Variants in TBCD observed in about 807,000 individuals in gnomAD.
TBCD encodes tubulin-specific chaperone D.
In TBCD, 105 loss-of-function variants were observed where a neutral mutation model predicts 169.3. That is an observed-to-expected ratio of 0.62 (90% confidence interval 0.53 to 0.73). The LOEUF is 0.73. TBCD is among the 30% of genes least tolerant of loss of function. The pLI is 0.00. For missense variants in TBCD, 1,444 were observed against 1,600.1 expected, an observed-to-expected ratio of 0.90 and a Z score of 1.66; for synonymous variants, 700 against 643.9, an observed-to-expected ratio of 1.09 and a Z score of -1.32.
chr17:82,814,958 G>T (rs764761602), intron 13 of TBCD, 24 bp downstream of exon 13: 2 of 1,607,362 alleles, frequency 1.2e-6, no homozygotes, highest in African/African-American at 1.3e-5. Context: ...GCACGGTCAG[G>T]GGGGATGTCT....
At chr17:82,772,347 C>G in intron 5 of TBCD, 105 bp from the exon 6 acceptor site, 1 of 1,188,452 alleles carries the variant, frequency 8.4e-7, no homozygotes, top group Admixed American at 1.7e-5. Context: ...GTTTGTGAAC[C>G]TGGGCCCTCG....
chr17:82,817,204 C>T (rs2677930), intron 13 of TBCD, among the ~76,000 whole-genome samples: 72,098 of 152,018 alleles, frequency 0.47, 17,799 homozygotes, highest in South Asian at 0.64. Flanking sequence ...CATCACAGCT[C>T]GTTGCCACCT....
intron 2 of TBCD, among the ~76,000 whole-genome samples, chr17:82,758,659 T>G (rs112276462): frequency 7.2e-6 from 1 of 139,148 alleles, no homozygotes; most frequent in Non-Finnish European, 1.5e-5. Context: ...TTTTTTTTTT[T>G]TCTTTTTTTT....
intron 11 of TBCD, among the ~76,000 whole-genome samples, chr17:82,808,642 G>A (rs1598628016): frequency 1.4e-5 from 2 of 139,000 alleles, no homozygotes; most frequent in Non-Finnish European, 3.1e-5. Context: ...GAACCCTGCT[G>A]TGGAGGGGAC....
chr17:82,909,439 C>G, intron 22 of TBCD, 132 bp downstream of exon 22: 1 of 595,202 alleles, frequency 1.7e-6, no homozygotes, highest in Non-Finnish European at 3.1e-6. Flanking sequence ...TGGGTGTCAC[C>G]CGGCCCGCTG....
chr17:82,809,942 A>G (rs750458242), intron 12 of TBCD, among the ~76,000 whole-genome samples, 160 bp downstream of exon 12: 1 of 152,128 alleles, frequency 6.6e-6, no homozygotes, highest in Non-Finnish European at 1.5e-5. Context: ...AACTCTTGTT[A>G]TTTCTGGTAT....
At chr17:82,908,255 T>G (rs1373974213) in intron 21 of TBCD, 2 of 454,968 alleles carry the variant, frequency 4.4e-6, no homozygotes, top group East Asian at 6.9e-5. Flanking sequence ...CCTGGTGGAG[T>G]TGGGGGCACA....
chr17:82,801,676 C>T (rs1459310963), intron 9 of TBCD, among the ~76,000 whole-genome samples: 6 of 111,114 alleles, frequency 5.4e-5, no homozygotes, highest in East Asian at 5.7e-4. Context: ...TCGGAGTCAG[C>T]GTGGCAGGAG....
In TBCD at chr17:82,916,314, G is replaced by A. The variant is rs1293773916; in HGVS notation, c.2039-4242G>A. Reference sequence around the variant, plus strand: ...GCTGGAGTCACAGTGGCGCGATCTCGGCTCACTGCAGCCTCCATCTCCCAG... The same window carrying A: ...GCTGGAGTCACAGTGGCGCGATCTCAGCTCACTGCAGCCTCCATCTCCCAG... On this transcript the variant is annotated intron_variant, in intron 23 of 38. Coordinates refer to ENST00000355528, the MANE Select transcript of TBCD (RefSeq NM_005993.5). 3.9e-5 allele frequency among the ~76,000 whole-genome samples: 6 copies of A among 151,934 alleles called. No individual in the cohort carries two copies. In the East Asian group the frequency reaches 5.8e-4, roughly 15 times the overall value.
At chr17:82,870,159 T>A in intron 13 of TBCD, 65 bp from the exon 14 acceptor site, 1 of 1,603,652 alleles carries the variant, frequency 6.2e-7, no homozygotes, top group Non-Finnish European at 8.5e-7. Flanking sequence ...GCCCCACTTC[T>A]CTGAAGCCTC....
At chr17:82,863,654 C>T (rs2056952829) in intron 13 of TBCD, among the ~76,000 whole-genome samples, 1 of 152,146 alleles carries the variant, frequency 6.6e-6, no homozygotes, top group Admixed American at 6.5e-5. Context: ...CTCATCAGTG[C>T]CCCTGAGCTC....
intron 2 of TBCD, among the ~76,000 whole-genome samples, chr17:82,759,379 G>A (rs980556949): frequency 6.6e-6 from 1 of 152,128 alleles, no homozygotes; most frequent in Admixed American, 6.5e-5. Flanking sequence ...TACTTGAGAG[G>A]CCGAGGCAGG....
Position 82,879,239 on chromosome 17 carries a change from C to T in TBCD, c.1476-4906C>T, listed in dbSNP as rs537673568. Among the ~76,000 whole-genome samples, 6 of 152,000 alleles carry T rather than the reference C, an allele frequency of 3.9e-5. No individual in the cohort carries two copies. The South Asian group carries it at 6.3e-4, about 16-fold the overall frequency. On this transcript the variant is annotated intron_variant, in intron 14 of 38. Transcript: ENST00000355528. The stretch of plus-strand genomic sequence containing the variant: ...GAATCCAGGACGCCGGGCTTGGCCT[C>T]AGCTGCCTCTAGGTCCCCTCCCTCT...
At chr17:82,914,957 C>T (rs554512324) in intron 23 of TBCD, among the ~76,000 whole-genome samples, 1 of 152,306 alleles carries the variant, frequency 6.6e-6, no homozygotes, top group Non-Finnish European at 1.5e-5. Flanking sequence ...TTTATTTTTC[C>T]AAAGGCAACC....
chr17:82,773,675 G>A (rs1026086383), intron 6 of TBCD, among the ~76,000 whole-genome samples: 12 of 151,880 alleles, frequency 7.9e-5, no homozygotes, highest in African/African-American at 2.7e-4. Context: ...GTGCGCCATT[G>A]TCTTCTTCCA....
intron 13 of TBCD, among the ~76,000 whole-genome samples, chr17:82,841,128 G>A (rs556417152): frequency 8.6e-5 from 13 of 151,222 alleles, no homozygotes; most frequent in African/African-American, 3.2e-4. Flanking sequence ...ATTTTTAGTA[G>A]AGATGGGGTT....
chr17:82,805,680 C>G (rs952027853), intron 9 of TBCD, among the ~76,000 whole-genome samples, 195 bp from the exon 10 acceptor site: 1 of 152,156 alleles, frequency 6.6e-6, no homozygotes, highest in Admixed American at 6.5e-5. Flanking sequence ...TGTTTTGTGG[C>G]CCACACCAGG....
At chr17:82,928,864 A>G (rs1024148079) in intron 30 of TBCD, among the ~76,000 whole-genome samples, 1 of 152,138 alleles carries the variant, frequency 6.6e-6, no homozygotes, top group Non-Finnish European at 1.5e-5. Flanking sequence ...CACATGTGTA[A>G]CAAGTACGTA....
chr17:82,752,557 G>T (rs2047158500), intron 1 of TBCD, among the ~76,000 whole-genome samples, 180 bp downstream of exon 1: 1 of 152,086 alleles, frequency 6.6e-6, no homozygotes, highest in African/African-American at 2.4e-5. Flanking sequence ...GGCCACCCCG[G>T]CGCGGCGTTA....
Sources: allele counts gnomAD v4.1 joint callset (sites outside exome capture counted in the v4.1 genomes callset), GRCh38; gene constraint gnomAD v4.1.1; transcripts MANE v1.5; gene names NCBI Gene and HGNC (gene_info 2026-07-23, HGNC 2026-07-21).